Variants in GMDS observed in about 807,000 individuals in gnomAD.
GMDS encodes the protein GDP-mannose 4,6 dehydratase.
In GMDS, 20 loss-of-function variants were observed where a neutral mutation model predicts 49.9. The ratio of observed to expected loss-of-function variants is 0.40; its 90% CI spans 0.28 to 0.58. GMDS has a LOEUF of 0.58. GMDS is among the 20% of genes least tolerant of loss of function. GMDS has a pLI of 0.42. For synonymous variants in GMDS, 177 were observed against 178.6 expected (o/e 0.99, Z 0.07); for missense variants, 362 against 481.4 (o/e 0.75, Z 2.32).
chr6:2,044,727 T>A (rs562753430), intron 4 of GMDS, among the ~76,000 whole-genome samples: 2 of 152,238 alleles, frequency 1.3e-5, no homozygotes, highest in South Asian at 2.1e-4. Flanking sequence ...TTAAAAAAAA[T>A]GTTTTTAAGT....
chr6:2,082,178 GCA>G (rs567661185), intron 4 of GMDS, among the ~76,000 whole-genome samples: 10 of 152,082 alleles, frequency 6.6e-5, no homozygotes, highest in South Asian at 4.2e-4. Flanking sequence ...ACACGTGTGC[GCA>G]CACACACACA....
At position 2,225,011 on chromosome 6, in the gene GMDS, C is replaced by T. The variant is rs187353556; in HGVS notation, c.102+20310G>A. Among the ~76,000 whole-genome samples, 9 of 152,222 alleles carry T rather than the reference C, an allele frequency of 5.9e-5. No individual in the cohort carries two copies. In the East Asian group the frequency reaches 1.4e-3, roughly 23 times the overall value. On this transcript the variant is annotated intron_variant, in intron 1 of 10. Coordinates refer to ENST00000380815, the MANE Select transcript of GMDS (RefSeq NM_001500.4). ...GCACGTACGTCCACACGATGTCAGACGCTACCTGAGATGAACAGTAAGCCT... is the reference window on the plus strand; with the variant it reads ...GCACGTACGTCCACACGATGTCAGATGCTACCTGAGATGAACAGTAAGCCT...
At chr6:1,976,369 T>C (rs1764902219) in intron 4 of GMDS, among the ~76,000 whole-genome samples, 1 of 152,180 alleles carries the variant, frequency 6.6e-6, no homozygotes, top group Admixed American at 6.5e-5. Context: ...AGGAACTACC[T>C]CTGTCTTGTT....
In GMDS at chr6:2,003,030, T is replaced by C. The variant is rs185228207; in HGVS notation, c.346-42064A>G. On this transcript the variant is annotated intron_variant, in intron 4 of 10. Coordinates refer to ENST00000380815, the MANE Select transcript of GMDS (RefSeq NM_001500.4). ...CATGAAGAATCCCTGTTTGAACATATAGAACACTGGCTACCACAAGATCAT... is the reference window on the plus strand; with the variant it reads ...CATGAAGAATCCCTGTTTGAACATACAGAACACTGGCTACCACAAGATCAT... Among the ~76,000 whole-genome samples, 7 of 152,122 alleles carry C rather than the reference T, an allele frequency of 4.6e-5. No individual in the cohort carries two copies. The South Asian group carries it at 6.2e-4, about 14-fold the overall frequency.
intron 4 of GMDS, among the ~76,000 whole-genome samples, chr6:2,050,930 G>A (rs1027309699): frequency 2.6e-5 from 4 of 152,102 alleles, no homozygotes; most frequent in African/African-American, 4.8e-5. Context: ...GACACAGGGC[G>A]GGGAACATCA....
intron 9 of GMDS, among the ~76,000 whole-genome samples, chr6:1,649,013 C>T (rs57723629): frequency 0.09 from 13,733 of 152,256 alleles, 774 homozygotes; most frequent in African/African-American, 0.15. Flanking sequence ...CATTTACACA[C>T]ATATAATTAC....
chr6:1,669,941 G>T (rs1221130641), intron 9 of GMDS, among the ~76,000 whole-genome samples: 2 of 52,598 alleles, frequency 3.8e-5, no homozygotes, highest in South Asian at 7.2e-4. Flanking sequence ...AAAAAAAAAA[G>T]CTGTCACCGC....
At chr6:1,887,541 T>C (rs1162598209) in intron 7 of GMDS, among the ~76,000 whole-genome samples, 3 of 152,264 alleles carry the variant, frequency 2.0e-5, no homozygotes, top group Non-Finnish European at 2.9e-5. Flanking sequence ...TATTCTGTTA[T>C]GAATTTTCTT....
intron 7 of GMDS, among the ~76,000 whole-genome samples, chr6:1,911,995 A>C (rs1299507948): frequency 6.6e-6 from 1 of 152,180 alleles, no homozygotes; most frequent in African/African-American, 2.4e-5. Flanking sequence ...ACATTTGAAG[A>C]CTTTTTCAAA....
intron 4 of GMDS, among the ~76,000 whole-genome samples, chr6:2,055,492 T>A: frequency 6.6e-6 from 1 of 152,148 alleles, no homozygotes; most frequent in East Asian, 1.9e-4. Flanking sequence ...TACTATCATG[T>A]CTGGCCATGA....
chr6:2,038,888 A>T (rs1462749434), intron 4 of GMDS, among the ~76,000 whole-genome samples: 1 of 152,214 alleles, frequency 6.6e-6, no homozygotes, highest in Non-Finnish European at 1.5e-5. Context: ...CTTTGGGAAT[A>T]TGTCCCTCAT....
At chr6:1,970,445 G>C (rs953539437) in intron 4 of GMDS, among the ~76,000 whole-genome samples, 9 of 152,194 alleles carry the variant, frequency 5.9e-5, no homozygotes, top group Non-Finnish European at 1.2e-4. Context: ...AGCTGGATAG[G>C]AGTCAGGCAG....
chr6:1,779,489 C>T (rs74866385), intron 7 of GMDS, among the ~76,000 whole-genome samples: 90 of 152,262 alleles, frequency 5.9e-4, no homozygotes, highest in African/African-American at 2.1e-3. Context: ...GAGACAATGA[C>T]TCTGGAAGGA....
chr6:1,754,872 C>A (rs532277610), intron 7 of GMDS, among the ~76,000 whole-genome samples: 1 of 152,138 alleles, frequency 6.6e-6, no homozygotes, highest in East Asian at 1.9e-4. Flanking sequence ...ACTGATTGAA[C>A]GTATCTCAAA....
rs2127606085 is a variant in GMDS at position 2,245,564 on chromosome 6, C to CG, written c.-143dup. ...AGGGAGAGCGCACCGCGCGACCGGC[C>CG]GCCACAGTCTGACAGGGGCGCACGG... is the stretch of plus-strand genomic sequence containing the variant. On this transcript the variant is annotated 5_prime_UTR_variant, in exon 1 of 11. Coordinates refer to ENST00000380815, the MANE Select transcript of GMDS (RefSeq NM_001500.4). 1 of 437,154 alleles carries CG rather than the reference C, an allele frequency of 2.3e-6. No individual in the cohort carries two copies. The highest frequency in any genetic ancestry group is 4.6e-5 in the Admixed American group (1 of 21,624). The allele number at this position is 437,154 out of a possible 1,614,324, so 27.1% of individuals were successfully genotyped here.
chr6:2,039,565 G>GT (rs949442983), intron 4 of GMDS, among the ~76,000 whole-genome samples: 1 of 151,568 alleles, frequency 6.6e-6, no homozygotes, highest in African/African-American at 2.4e-5. Context: ...ATTCTATAAG[G>GT]TTTTTTTTCT....
chr6:2,116,228 A>G (rs994570812), intron 3 of GMDS, among the ~76,000 whole-genome samples: 7 of 151,624 alleles, frequency 4.6e-5, no homozygotes, highest in Non-Finnish European at 8.9e-5. Context: ...AAACCTTGTA[A>G]TAACATGTAT....
At chr6:2,007,135 C>A (rs987009458) in intron 4 of GMDS, among the ~76,000 whole-genome samples, 8 of 152,168 alleles carry the variant, frequency 5.3e-5, no homozygotes, top group Non-Finnish European at 7.4e-5. Context: ...ACAAAGATCT[C>A]ATCCTTAGGT....
intron 7 of GMDS, among the ~76,000 whole-genome samples, chr6:1,773,040 A>C (rs1768643745): frequency 6.6e-6 from 1 of 152,216 alleles, no homozygotes; most frequent in South Asian, 2.1e-4. Flanking sequence ...GGGTTAAAGC[A>C]AACTGCAAGG....
Sources: gnomAD v4.1 joint callset for allele counts (sites outside exome capture counted in the v4.1 genomes callset) on GRCh38, gnomAD v4.1.1 for gene constraint, MANE v1.5 for transcripts, NCBI Gene and HGNC (gene_info 2026-07-23, HGNC 2026-07-21) for gene names.